The following SORCS2 variants were observed in gnomAD, a reference collection of about 807,000 sequenced individuals.
SORCS2 encodes VPS10 domain-containing receptor SorCS2.
SORCS2 carries 100 observed loss-of-function variants against 141.6 expected under a neutral mutation model. That is an observed-to-expected ratio of 0.71 (90% CI 0.60 to 0.83). The LOEUF (loss-of-function observed/expected upper bound fraction) is 0.83. Ranked by LOEUF, SORCS2 falls within the 40% of genes least tolerant of loss-of-function variation. SORCS2 has a pLI of 0.00. For missense variants in SORCS2, 1,646 were observed against 1,560.2 expected (o/e 1.05, Z -0.93); for synonymous variants, 789 against 676.9 (o/e 1.17, Z -2.57).
intron 22 of SORCS2, 71 bp from the exon 23 acceptor site, chr4:7,729,516 C>T: frequency 1.3e-6 from 2 of 1,521,130 alleles, no homozygotes; most frequent in South Asian, 2.5e-5. Context: ...AGAGGGTGTT[C>T]CTGGGGGCCC....
chr4:7,726,802 C>T lies in SORCS2; in HGVS notation c.2768C>T (p.Ser923Phe). 1 of 1,613,756 alleles carries T rather than the reference C, an allele frequency of 6.2e-7. No homozygotes were observed. Among genetic ancestry groups the T allele is most frequent in the Non-Finnish European group, 8.5e-7 (1 of 1,179,832 alleles). Residue 923 changes from serine to phenylalanine, a missense_variant, in exon 21 of 27, where the codon TCT becomes TTT. Physicochemically the swap from Ser to Phe is radical, Grantham distance 155. Transcript: ENST00000507866. ...SLQPLLSLDN[S>F]VTTRFSDTGD... Reference sequence around the variant, plus strand: ...CAGCCCCTCCTTTCCCTGGATAATTCTGTGACAACGCGGTTTTCGGACACG... The same window carrying T: ...CAGCCCCTCCTTTCCCTGGATAATTTTGTGACAACGCGGTTTTCGGACACG...
rs980521468 is a variant in SORCS2 at position 7,192,641 on chromosome 4, G to A, written c.-6G>A. 3 of 987,268 alleles carry A rather than the reference G, an allele frequency of 3.0e-6. No individual in the cohort carries two copies. The highest frequency in any genetic ancestry group is 6.2e-5 in the Admixed American group (1 of 16,068). The allele number at this position is 987,268 out of a possible 1,614,324, so 61.2% of individuals were successfully genotyped here. ...GCCGCCGGCTCCGCTGCCGCCCCTGGCGACCATGGCGCACCGGGGGCCCTC... is the reference window on the plus strand; with the variant it reads ...GCCGCCGGCTCCGCTGCCGCCCCTGACGACCATGGCGCACCGGGGGCCCTC... On this transcript the variant is annotated 5_prime_UTR_variant, in exon 1 of 27. Transcript: ENST00000507866. This position sits in a 1 kb window ranked among gnomAD's most constrained non-coding sequence, Gnocchi z 4.0.
intron 1 of SORCS2, among the ~76,000 whole-genome samples, chr4:7,268,282 A>T (rs1034803458): frequency 1.3e-5 from 2 of 152,126 alleles, no homozygotes; most frequent in African/African-American, 4.8e-5. Context: ...ACATTGTCTA[A>T]AGGATGCTTC....
chr4:7,605,128 T>C (rs1717980437), intron 3 of SORCS2, among the ~76,000 whole-genome samples: 1 of 152,208 alleles, frequency 6.6e-6, no homozygotes, highest in Non-Finnish European at 1.5e-5. Context: ...ATGTTTCTTC[T>C]TTATACCTCA....
At chr4:7,681,047 G>A (rs1723494541) in intron 9 of SORCS2, among the ~76,000 whole-genome samples, 1 of 152,214 alleles carries the variant, frequency 6.6e-6, no homozygotes, top group African/African-American at 2.4e-5. Flanking sequence ...ATATTTAGAT[G>A]AGACTTTTGA....
intron 1 of SORCS2, among the ~76,000 whole-genome samples, chr4:7,202,597 A>G (rs1164968753): frequency 6.6e-6 from 1 of 152,248 alleles, no homozygotes; most frequent in South Asian, 2.1e-4. Context: ...CACACCGAGC[A>G]CATTTCTTGC....
intron 1 of SORCS2, among the ~76,000 whole-genome samples, chr4:7,248,166 A>C (rs7684923): frequency 0.11 from 16,366 of 152,180 alleles, 1,325 homozygotes; most frequent in African/African-American, 0.23. Context: ...GAGGGAGGCT[A>C]CACAACCCCA....
chr4:7,321,685 C>T (rs1718902770), intron 1 of SORCS2, among the ~76,000 whole-genome samples: 3 of 152,164 alleles, frequency 2.0e-5, no homozygotes, highest in Admixed American at 6.5e-5. Flanking sequence ...GAGGGCTGGG[C>T]TGGGTGAGGA....
chr4:7,386,570 A>G (rs909728297), intron 1 of SORCS2, among the ~76,000 whole-genome samples: 3 of 137,664 alleles, frequency 2.2e-5, no homozygotes, highest in African/African-American at 8.2e-5. Context: ...GCACATGCAC[A>G]CACATGCACA....
chr4:7,677,322 GCTCACAGGCCT>G (rs1577064982), intron 9 of SORCS2, among the ~76,000 whole-genome samples: 1 of 152,208 alleles, frequency 6.6e-6, no homozygotes, highest in East Asian at 1.9e-4. Flanking sequence ...CGGCCAGGCC[GCTCACAGGCCT>G]CTCCTTTGTT....
chr4:7,606,877 C>T (rs1718096766), intron 3 of SORCS2, among the ~76,000 whole-genome samples: 1 of 152,246 alleles, frequency 6.6e-6, no homozygotes, highest in Non-Finnish European at 1.5e-5. Flanking sequence ...TACTTTTGCA[C>T]CAACCTAATA....
chr4:7,210,519 G>A (rs763028023), intron 1 of SORCS2, among the ~76,000 whole-genome samples: 3 of 152,160 alleles, frequency 2.0e-5, no homozygotes, highest in Non-Finnish European at 4.4e-5. Context: ...GGGCTCGAGG[G>A]ATCTATCCAC....
intron 1 of SORCS2, among the ~76,000 whole-genome samples, chr4:7,236,586 A>G (rs1181710142): frequency 6.6e-6 from 1 of 152,016 alleles, no homozygotes; most frequent in Non-Finnish European, 1.5e-5. Context: ...TTTATTATTT[A>G]TTAATTATTT....
At chr4:7,582,687 A>G (rs1716241636) in intron 3 of SORCS2, among the ~76,000 whole-genome samples, 1 of 152,226 alleles carries the variant, frequency 6.6e-6, no homozygotes, top group Non-Finnish European at 1.5e-5. Flanking sequence ...ATTAAAGGAT[A>G]TAAAAAATGA....
At chr4:7,300,898 C>A (rs1301387352) in intron 1 of SORCS2, among the ~76,000 whole-genome samples, 1 of 152,230 alleles carries the variant, frequency 6.6e-6, no homozygotes, top group Non-Finnish European at 1.5e-5. Context: ...TCTCAGGGTC[C>A]TGTTGCATGT....
rs562319805 is a variant in SORCS2, at chr4:7,695,580, A to G, written c.1592-1618A>G. 8.5e-3 allele frequency among the ~76,000 whole-genome samples: 125 copies of G among 14,630 alleles called. 17 individuals are homozygous for G. Among genetic ancestry groups the G allele is most frequent in the African/African-American group, 0.025 (92 of 3,610 alleles). 9.6% of individuals were successfully genotyped at this position (14,630 alleles called of 152,430 possible). A position where few individuals can be genotyped will look rare whatever the true frequency, so the allele number is the denominator to read the frequency against. On this transcript the variant is annotated intron_variant, in intron 11 of 26. Transcript: ENST00000507866. The stretch of plus-strand genomic sequence containing the variant: ...GATGGATGCATGGATGGATGGATGG[A>G]TGGATTGGTGGGTGGGTGGGTGGAT...
chr4:7,204,614 A>G (rs1727637212), intron 1 of SORCS2, among the ~76,000 whole-genome samples: 1 of 152,156 alleles, frequency 6.6e-6, no homozygotes, highest in African/African-American at 2.4e-5. Flanking sequence ...CAGTAGCACA[A>G]TTGCAACCCC....
chr4:7,385,401 G>A (rs750890788), intron 1 of SORCS2, among the ~76,000 whole-genome samples: 12 of 152,216 alleles, frequency 7.9e-5, no homozygotes, highest in South Asian at 2.1e-4. Context: ...CCACAGGATG[G>A]GCCAGCCCAG....
In SORCS2 at chr4:7,531,566, C is replaced by A; in HGVS notation, c.585C>A (p.Thr195=). 1 of 1,613,912 alleles carries A rather than the reference C, an allele frequency of 6.2e-7. No homozygotes were observed. Residue 195 remains threonine, a synonymous_variant, in exon 3 of 27, where the codon ACC becomes ACA. Transcript: ENST00000507866. The stretch of plus-strand genomic sequence containing the variant: ...TCGGGACGTCCTACACCAAGCTCAC[C>A]CTCCAGCCTGGTGTCACCACCGTCA... ...SDFGTSYTKL[T]LQPGVTTVID...
Sources: allele counts gnomAD v4.1 joint callset (sites outside exome capture counted in the v4.1 genomes callset), GRCh38; gene constraint gnomAD v4.1.1; non-coding constraint Gnocchi (gnomAD v3.1); transcripts MANE v1.5; gene names NCBI Gene and HGNC (gene_info 2026-07-23, HGNC 2026-07-21).